FGF1: variants seen among roughly 807,000 people sequenced by gnomAD.
The protein encoded by FGF1 is beta-endothelial cell growth factor.
Under a neutral mutation model 13.4 loss-of-function variants are expected in FGF1, and 9 were observed. That is an observed-to-expected ratio of 0.67 (90% CI 0.40 to 1.17). The LOEUF (loss-of-function observed/expected upper bound fraction) is 1.17, where lower values mean the gene tolerates loss of function less well. FGF1 is among the 50% of genes most tolerant of loss of function. FGF1 has a pLI of 0.01. For missense variants in FGF1, 156 were observed against 192.7 expected, an observed-to-expected ratio of 0.81 and a Z score of 1.13; for synonymous variants, 93 against 79.0, an observed-to-expected ratio of 1.18 and a Z score of -0.94.
chr5:142,659,027 T>C (rs1469207410), intron 1 of FGF1, among the ~76,000 whole-genome samples: 5 of 152,186 alleles, frequency 3.3e-5, no homozygotes, highest in Admixed American at 3.3e-4. Flanking sequence ...CCAACAATGC[T>C]GAAGCCTTGC....
intron 1 of FGF1, among the ~76,000 whole-genome samples, chr5:142,641,812 G>A (rs17223381): frequency 0.12 from 18,362 of 151,658 alleles, 1,464 homozygotes; most frequent in Non-Finnish European, 0.16. Context: ...AATGGAATAC[G>A]TAAAGAGAAT....
rs978539931 is a variant in FGF1, at chr5:142,594,967, C to T, written c.*323G>A. 3 of 240,726 alleles carry T rather than the reference C, an allele frequency of 1.2e-5. No individual in the cohort carries two copies. The highest frequency in any genetic ancestry group is 2.4e-5 in the Non-Finnish European group (3 of 125,544). The allele number at this position is 240,726 out of a possible 1,614,324, so 14.9% of individuals were successfully genotyped here. On this transcript the variant is annotated 3_prime_UTR_variant, in exon 4 of 4. Coordinates refer to ENST00000337706, the MANE Select transcript of FGF1 (RefSeq NM_000800.5). Reference sequence around the variant, plus strand: ...GTGCAGTTACTAATGTCCCACTTAGCCGACCCCTTAACACACTTCATTTAG... The same window carrying T: ...GTGCAGTTACTAATGTCCCACTTAGTCGACCCCTTAACACACTTCATTTAG...
At chr5:142,676,619 G>A (rs1772664361) in intron 1 of FGF1, among the ~76,000 whole-genome samples, 1 of 152,216 alleles carries the variant, frequency 6.6e-6, no homozygotes, top group African/African-American at 2.4e-5. Context: ...GAGTGCCACA[G>A]GCTGTGGCTC....
At chr5:142,629,628 T>A (rs249919) in intron 1 of FGF1, among the ~76,000 whole-genome samples, 77,518 of 151,750 alleles carry the variant, frequency 0.51, 20,503 homozygotes, top group Non-Finnish European at 0.58. Flanking sequence ...TAGGATTGTG[T>A]TTACTTTTTT....
chr5:142,682,078 C>G (rs1324840005), intron 1 of FGF1, among the ~76,000 whole-genome samples: 1 of 148,116 alleles, frequency 6.8e-6, no homozygotes. Flanking sequence ...GCAGCCTTTT[C>G]TCCTCTATTT....
intron 1 of FGF1, among the ~76,000 whole-genome samples, chr5:142,635,911 A>C (rs1337491663): frequency 6.6e-6 from 1 of 152,228 alleles, no homozygotes; most frequent in African/African-American, 2.4e-5. Flanking sequence ...AATATGTCCA[A>C]ATCTACTCTT....
intron 1 of FGF1, among the ~76,000 whole-genome samples, chr5:142,639,987 G>A (rs915409514): frequency 2.0e-5 from 3 of 151,936 alleles, no homozygotes; most frequent in African/African-American, 7.3e-5. Flanking sequence ...GCTGGCTCAA[G>A]TCTCTTCACA....
intron 1 of FGF1, among the ~76,000 whole-genome samples, chr5:142,647,372 T>C (rs1334590464): frequency 6.6e-6 from 1 of 152,198 alleles, no homozygotes; most frequent in Non-Finnish European, 1.5e-5. Flanking sequence ...TCTTGTCACT[T>C]CTCTAAAAAT....
At chr5:142,689,739 G>A (rs1297101358), upstream of FGF1, among the ~76,000 whole-genome samples, 8 of 128,180 alleles carry the variant, frequency 6.2e-5, no homozygotes, top group African/African-American at 2.1e-4. Context: ...TCGCTCTGTC[G>A]CCCAGGCTGG....
chr5:142,641,456 TA>T (rs1236182269), intron 1 of FGF1, among the ~76,000 whole-genome samples: 1 of 152,044 alleles, frequency 6.6e-6, no homozygotes, highest in Non-Finnish European at 1.5e-5. Context: ...AGCTAGAATG[TA>T]TTTTTTATTT....
chr5:142,637,080 G>A (rs1289749175), intron 1 of FGF1, among the ~76,000 whole-genome samples: 1 of 151,998 alleles, frequency 6.6e-6, no homozygotes, highest in African/African-American at 2.4e-5. Context: ...GCTAAATGCT[G>A]TGTCCACTGC....
intron 1 of FGF1, among the ~76,000 whole-genome samples, chr5:142,664,311 G>A (rs1160982759): frequency 6.6e-6 from 1 of 152,200 alleles, no homozygotes; most frequent in Non-Finnish European, 1.5e-5. Context: ...TTTGGGCCCA[G>A]GAAGTTGCCA....
At chr5:142,608,720 C>T (rs249925) in intron 2 of FGF1, among the ~76,000 whole-genome samples, 67,678 of 141,938 alleles carry the variant, frequency 0.48, 16,659 homozygotes, top group African/African-American at 0.64. Flanking sequence ...TATATATATA[C>T]ACACACACAT....
In FGF1 at chr5:142,616,358, C is replaced by T. The variant is rs183388873; in HGVS notation, c.-34-2197G>A. Among the ~76,000 whole-genome samples the T allele has an allele frequency of 1.4e-3, 215 of 152,296 alleles. 1 individual carries two copies. Among genetic ancestry groups the T allele is most frequent in the African/African-American group, 4.1e-3 (170 of 41,554 alleles). On this transcript the variant is annotated intron_variant, in intron 1 of 3. Coordinates refer to ENST00000337706, the MANE Select transcript of FGF1 (RefSeq NM_000800.5). ...CCTCCAAGAATCCCAAAGAGAATTTCGCAAATACCATATAAACTATATTTA... is the reference window on the plus strand; with the variant it reads ...CCTCCAAGAATCCCAAAGAGAATTTTGCAAATACCATATAAACTATATTTA...
chr5:142,628,972 G>T (rs1465648836), intron 1 of FGF1, among the ~76,000 whole-genome samples: 3 of 152,128 alleles, frequency 2.0e-5, no homozygotes, highest in African/African-American at 7.2e-5. Context: ...GATAAATCTA[G>T]ATGTTTAGAT....
chr5:142,606,642 A>G (rs976431943), intron 2 of FGF1, among the ~76,000 whole-genome samples: 2 of 152,178 alleles, frequency 1.3e-5, no homozygotes, highest in Non-Finnish European at 2.9e-5. Flanking sequence ...AAGAAAAAGA[A>G]CACAATACGT....
chr5:142,639,764 T>C (rs1764855749), intron 1 of FGF1, among the ~76,000 whole-genome samples: 1 of 152,024 alleles, frequency 6.6e-6, no homozygotes, highest in Non-Finnish European at 1.5e-5. Flanking sequence ...AGGTGATGGA[T>C]ATGTTAACCA....
At chr5:142,618,382 T>A (rs934644315) in intron 1 of FGF1, among the ~76,000 whole-genome samples, 1 of 152,144 alleles carries the variant, frequency 6.6e-6, no homozygotes, top group Non-Finnish European at 1.5e-5. Context: ...TCACTCCTTC[T>A]GAGATGTTTC....
At position 142,654,027 on chromosome 5, in the gene FGF1, G is replaced by A. The variant is rs528736291; in HGVS notation, c.-35+31930C>T. Among the ~76,000 whole-genome samples, 46 of 152,334 alleles carry A rather than the reference G, an allele frequency of 3.0e-4. No homozygotes were observed. In the East Asian group the frequency reaches 8.9e-3, roughly 29 times the overall value. ...TAATTGCTTGAACCTGGGAGGCAGA[G>A]GTTGCAGTGAGCCAAGATCATGCCA... On this transcript the variant is annotated intron_variant, in intron 1 of 3. Coordinates refer to ENST00000337706, the MANE Select transcript of FGF1 (RefSeq NM_000800.5).
Sources: gnomAD v4.1 joint callset for allele counts (sites outside exome capture counted in the v4.1 genomes callset) on GRCh38, gnomAD v4.1.1 for gene constraint, MANE v1.5 for transcripts, NCBI Gene and HGNC (gene_info 2026-07-23, HGNC 2026-07-21) for gene names.